Variants in RNF144B observed in about 807,000 individuals in gnomAD.
The protein encoded by RNF144B is E3 ubiquitin-protein ligase RNF144B.
Under a neutral mutation model 40.2 loss-of-function variants are expected in RNF144B, and 25 were observed. That is an observed-to-expected ratio of 0.62 (90% confidence interval 0.45 to 0.87). The LOEUF is 0.87. Ranked by LOEUF, RNF144B falls within the 40% of genes least tolerant of loss-of-function variation. RNF144B has a pLI of 0.00. For synonymous variants in RNF144B, 145 were observed against 136.3 expected, an observed-to-expected ratio of 1.06 and a Z score of -0.44; for missense variants, 365 against 373.7, an observed-to-expected ratio of 0.98 and a Z score of 0.19.
At chr6:18,454,612 T>G (rs567698) in intron 4 of RNF144B, among the ~76,000 whole-genome samples, 107,149 of 152,080 alleles carry the variant, frequency 0.7, 38,531 homozygotes, top group East Asian at 0.85. Context: ...AATACGGAAG[T>G]TCAGTGTTTT....
intron 1 of RNF144B, among the ~76,000 whole-genome samples, chr6:18,394,473 C>A (rs749090221): frequency 2.0e-5 from 3 of 152,026 alleles, no homozygotes; most frequent in Non-Finnish European, 4.4e-5. Flanking sequence ...TGGTGGGCAC[C>A]TGAAATCCCA....
intron 1 of RNF144B, among the ~76,000 whole-genome samples, chr6:18,393,058 T>C (rs889817863): frequency 1.3e-5 from 2 of 150,772 alleles, no homozygotes; most frequent in Non-Finnish European, 2.9e-5. Flanking sequence ...GAGGCAGAGC[T>C]TGCAGCGAGC....
In RNF144B at chr6:18,441,923, G is replaced by T. The variant is rs72832472; in HGVS notation, c.331+2179G>T. Reference sequence around the variant, plus strand: ...AATAAAAATAACTTAAAAGTAGCACGTTTTAAATTAAATTATTCTCAATGT... The same window carrying T: ...AATAAAAATAACTTAAAAGTAGCACTTTTTAAATTAAATTATTCTCAATGT... On this transcript the variant is annotated intron_variant, in intron 4 of 7. Coordinates refer to ENST00000259939, the MANE Select transcript of RNF144B (RefSeq NM_182757.4). The surrounding 1 kb of genome is among the most constrained non-coding windows in gnomAD (Gnocchi z 4.9). 0.011 allele frequency among the ~76,000 whole-genome samples: 1,661 copies of T among 152,250 alleles called. 21 individuals are homozygous for T. The highest frequency in any genetic ancestry group is 0.027 in the Middle Eastern group (8 of 294).
At chr6:18,424,951 C>A (rs73377616) in intron 2 of RNF144B, among the ~76,000 whole-genome samples, 140 of 152,250 alleles carry the variant, frequency 9.2e-4, no homozygotes, top group African/African-American at 3.2e-3. Flanking sequence ...GATGGAAAGT[C>A]TAAGACCAGG....
At position 18,390,105 on chromosome 6, in the gene RNF144B, G is replaced by A. The variant is rs546594224; in HGVS notation, c.-37+2475G>A. 2.0e-5 allele frequency among the ~76,000 whole-genome samples: 3 copies of A among 152,274 alleles called. No individual in the cohort carries two copies. The South Asian group carries it at 6.2e-4, about 32-fold the overall frequency. On this transcript the variant is annotated intron_variant, in intron 1 of 7. Transcript: ENST00000259939. ...ATTCTCATAAGGTCAGAAGTGACTT[G>A]GGTCTAGAGTGGTAGTTCTGAATTC...
Position 18,448,424 on chromosome 6 carries a change from A to C in RNF144B, c.331+8680A>C, listed in dbSNP as rs1255360729. 6.6e-6 allele frequency among the ~76,000 whole-genome samples: 1 copy of C among 152,070 alleles called. No individual in the cohort carries two copies. The highest frequency in any genetic ancestry group is 2.4e-5 in the African/African-American group (1 of 41,392). ...TAGTTGCTTGCTTCCTAGGTGCAATAAGAAGGAGGGTCAGCAGCTGAGAGT... is the reference window on the plus strand; with the variant it reads ...TAGTTGCTTGCTTCCTAGGTGCAATCAGAAGGAGGGTCAGCAGCTGAGAGT... On this transcript the variant is annotated intron_variant, in intron 4 of 7. Transcript: ENST00000259939. The surrounding 1 kb of genome is among the most constrained non-coding windows in gnomAD (Gnocchi z 4.0).
intron 4 of RNF144B, among the ~76,000 whole-genome samples, chr6:18,453,665 G>GA (rs1357504920): frequency 6.6e-6 from 1 of 152,158 alleles, no homozygotes; most frequent in African/African-American, 2.4e-5. Context: ...ACAGGATACT[G>GA]TATGTGGATG....
intron 3 of RNF144B, among the ~76,000 whole-genome samples, chr6:18,431,305 C>T (rs758412617): frequency 1.1e-4 from 17 of 151,874 alleles, no homozygotes; most frequent in South Asian, 1.0e-3. Flanking sequence ...GATAAAAATA[C>T]GTGGTAGTGG....
rs1421443480 is a variant in RNF144B at position 18,459,328 on chromosome 6, G to T, written c.537-279G>T. On this transcript the variant is annotated intron_variant, in intron 5 of 7. Coordinates refer to ENST00000259939, the MANE Select transcript of RNF144B (RefSeq NM_182757.4). The surrounding 1 kb of genome is among the most constrained non-coding windows in gnomAD (Gnocchi z 4.2). ...CCAACTCCTTGCCATTCTTATTTAG[G>T]CAATGCATGCTTAGGGAATGAAATA... 2.0e-5 allele frequency among the ~76,000 whole-genome samples: 3 copies of T among 152,132 alleles called. No individual in the cohort carries two copies. The highest frequency in any genetic ancestry group is 4.4e-5 in the Non-Finnish European group (3 of 68,032).
At chr6:18,427,386 A>G (rs1034397073) in intron 2 of RNF144B, among the ~76,000 whole-genome samples, 195 bp from the exon 3 acceptor site, 9 of 152,206 alleles carry the variant, frequency 5.9e-5, no homozygotes, top group Non-Finnish European at 1.0e-4. Flanking sequence ...GAAGTCATAC[A>G]TAATTAATTG....
At chr6:18,415,069 T>G (rs569339806) in intron 2 of RNF144B, among the ~76,000 whole-genome samples, 1 of 152,296 alleles carries the variant, frequency 6.6e-6, no homozygotes, top group African/African-American at 2.4e-5. Context: ...TTTAGGTAAC[T>G]TATAATATCT....
intron 1 of RNF144B, among the ~76,000 whole-genome samples, chr6:18,394,985 C>G (rs1359148898): frequency 1.3e-5 from 2 of 152,144 alleles, no homozygotes; most frequent in African/African-American, 4.8e-5. Flanking sequence ...CAAGTGATAC[C>G]TGCTACCAAC....
At chr6:18,451,795 T>G (rs948892258) in intron 4 of RNF144B, among the ~76,000 whole-genome samples, 3 of 152,250 alleles carry the variant, frequency 2.0e-5, no homozygotes, top group African/African-American at 4.8e-5. Flanking sequence ...AAGTTATGTA[T>G]AGAGAATAGA....
Position 18,406,227 on chromosome 6 carries a change from A to T in RNF144B, c.165+6528A>T, listed in dbSNP as rs920194994. The T allele has an allele frequency of 2.0e-6, 1 of 500,306 alleles. No homozygotes were observed. Among genetic ancestry groups the T allele is most frequent in the African/African-American group, 2.0e-5 (1 of 50,978 alleles). The allele number at this position is 500,306 out of a possible 1,614,324, so 31.0% of individuals were successfully genotyped here. The stretch of plus-strand genomic sequence containing the variant: ...GTTTGTGCTATGGAAAAATAGGGTG[A>T]GGGGGGTCAGGAGTGCTGTGGGGAA... On this transcript the variant is annotated intron_variant, in intron 2 of 7. Coordinates refer to ENST00000259939, the MANE Select transcript of RNF144B (RefSeq NM_182757.4). This position sits in a 1 kb window ranked among gnomAD's most constrained non-coding sequence, Gnocchi z 4.2.
chr6:18,405,958 T>C lies in RNF144B; in HGVS notation c.165+6259T>C. The C allele has an allele frequency of 2.0e-6, 1 of 490,674 alleles. No homozygotes were observed. The highest frequency in any genetic ancestry group is 4.1e-6 in the Non-Finnish European group (1 of 246,004). 30.4% of individuals were successfully genotyped at this position (490,674 alleles called of 1,614,324 possible). On this transcript the variant is annotated intron_variant, in intron 2 of 7. Transcript: ENST00000259939. This position sits in a 1 kb window ranked among gnomAD's most constrained non-coding sequence, Gnocchi z 4.5. ...TGTAAGTGACCTTAGATCTTCTAGT[T>C]CCCCCACCCTCCTAATGAAAGAAGT... is the stretch of plus-strand genomic sequence containing the variant.
Position 18,429,342 on chromosome 6 carries a change from T to C in RNF144B, c.270+1657T>C, listed in dbSNP as rs530256299. Among the ~76,000 whole-genome samples the C allele has an allele frequency of 2.2e-4, 30 of 133,890 alleles. 1 individual carries two copies. In the East Asian group the frequency reaches 8.0e-3, roughly 36 times the overall value. 87.8% of individuals were successfully genotyped at this position (133,890 alleles called of 152,430 possible). On this transcript the variant is annotated intron_variant, in intron 3 of 7. Transcript: ENST00000259939. ...TGTGTATAGATATATATACTGTACATGCTTTGTTTATGAATATATATTCTT... is the reference window on the plus strand; with the variant it reads ...TGTGTATAGATATATATACTGTACACGCTTTGTTTATGAATATATATTCTT...
chr6:18,429,307 GAT>G (rs1491479008), intron 3 of RNF144B, among the ~76,000 whole-genome samples: 3 of 151,846 alleles, frequency 2.0e-5, no homozygotes, highest in African/African-American at 4.8e-5. Context: ...CACACATGTA[GAT>G]GTGTGTGTGT....
At chr6:18,445,678 G>A (rs1273968189) in intron 4 of RNF144B, among the ~76,000 whole-genome samples, 1 of 152,106 alleles carries the variant, frequency 6.6e-6, no homozygotes, top group Non-Finnish European at 1.5e-5. Flanking sequence ...TTTAGGGGCT[G>A]ACTTACAGGG....
rs1466300810 is a variant in RNF144B at position 18,438,561 on chromosome 6, T to C, written c.271-1123T>C. ...ATACATTTTAGCTAATTTAGATTCA[T>C]TTGCGAAATAAACAACTTGAGATTA... On this transcript the variant is annotated intron_variant, in intron 3 of 7. Coordinates refer to ENST00000259939, the MANE Select transcript of RNF144B (RefSeq NM_182757.4). 2.6e-5 allele frequency among the ~76,000 whole-genome samples: 4 copies of C among 152,320 alleles called. No homozygotes were observed. The East Asian group carries it at 7.7e-4, about 29-fold the overall frequency.
Sources: gnomAD v4.1 joint callset for allele counts (sites outside exome capture counted in the v4.1 genomes callset) on GRCh38, gnomAD v4.1.1 for gene constraint, Gnocchi (gnomAD v3.1) non-coding constraint, MANE v1.5 for transcripts, NCBI Gene and HGNC (gene_info 2026-07-23, HGNC 2026-07-21) for gene names.